ITGAE: variants seen among roughly 807,000 people sequenced by gnomAD.
ITGAE encodes integrin alpha-E.
Under a neutral mutation model 136.5 loss-of-function variants are expected in ITGAE, and 99 were observed. That is an observed-to-expected ratio of 0.73 (90% CI 0.62 to 0.86). The LOEUF (loss-of-function observed/expected upper bound fraction) is 0.86. Among genes scored for constraint, ITGAE ranks in the 40% least tolerant of loss-of-function variants. The probability of loss-of-function intolerance (pLI) is 0.00; values close to 1 mark genes in which losing one functional copy is unlikely to be tolerated. For synonymous variants in ITGAE, 613 were observed against 591.8 expected, an observed-to-expected ratio of 1.04 and a Z score of -0.52; for missense variants, 1,447 against 1,515.3, an observed-to-expected ratio of 0.95 and a Z score of 0.75.
intron 28 of ITGAE, chr17:3,722,496 A>AAG (rs2051076578): frequency 6.6e-6 from 1 of 152,596 alleles, no homozygotes; most frequent in Non-Finnish European, 1.5e-5. Flanking sequence ...AAAAAAAAAA[A>AAG]AAAGAAAAGA....
intron 2 of ITGAE, among the ~76,000 whole-genome samples, chr17:3,767,151 C>G (rs2052319460): frequency 1.3e-5 from 2 of 151,388 alleles, no homozygotes; most frequent in Non-Finnish European, 2.9e-5. Context: ...GGCTGGAGTG[C>G]AATGGCACGA....
At chr17:3,782,338 C>T (rs1210729203) in intron 1 of ITGAE, among the ~76,000 whole-genome samples, 1 of 127,412 alleles carries the variant, frequency 7.8e-6, no homozygotes. Flanking sequence ...GCTTAAATCT[C>T]TAGTGTGTGT....
rs1186492369 is a variant in ITGAE, at chr17:3,799,838, T to C, written c.34+1273A>G. Reference sequence around the variant, plus strand: ...ATTCTGATGTTTTTGAAATATAAAATATTAGGCCGGGCAAGGTGGCTCATG... The same window carrying C: ...ATTCTGATGTTTTTGAAATATAAAACATTAGGCCGGGCAAGGTGGCTCATG... On this transcript the variant is annotated intron_variant, in intron 1 of 30. Transcript: ENST00000263087. The surrounding 1 kb of genome is among the most constrained non-coding windows in gnomAD (Gnocchi z 4.1). Among the ~76,000 whole-genome samples, 1 of 152,170 alleles carries C rather than the reference T, an allele frequency of 6.6e-6. No individual in the cohort carries two copies. The highest frequency in any genetic ancestry group is 1.9e-4 in the East Asian group (1 of 5,190).
chr17:3,728,177 G>C lies in ITGAE; in HGVS notation c.2913-9C>G, dbSNP rs2051258613. On this transcript the variant is annotated splice_polypyrimidine_tract_variant and intron_variant, in intron 24 of 30. Coordinates refer to ENST00000263087, the MANE Select transcript of ITGAE (RefSeq NM_002208.5). ...CGTACATTATGGATGGTCTGCAATT[G>C]ACAGGACATGCGTCAGCCCTTGAGG... The C allele has an allele frequency of 6.2e-7, 1 of 1,608,742 alleles. No individual in the cohort carries two copies. The highest frequency in any genetic ancestry group is 1.3e-5 in the African/African-American group (1 of 74,702).
At chr17:3,730,781 C>T (rs1252582286) in intron 23 of ITGAE, among the ~76,000 whole-genome samples, 2 of 152,170 alleles carry the variant, frequency 1.3e-5, no homozygotes, top group African/African-American at 2.4e-5. Context: ...CACCTTACCC[C>T]CCAACACAGA....
intron 26 of ITGAE, chr17:3,724,724 G>A (rs775400270): frequency 3.1e-6 from 5 of 1,614,136 alleles, no homozygotes; most frequent in African/African-American, 2.7e-5. Flanking sequence ...GGGCAGATGG[G>A]AAGAATATGA....
intron 1 of ITGAE, among the ~76,000 whole-genome samples, chr17:3,797,400 C>CT (rs2053145031): frequency 1.3e-5 from 2 of 150,720 alleles, no homozygotes; most frequent in African/African-American, 4.9e-5. Flanking sequence ...CTCCTGACCT[C>CT]ATGATCTGCC....
intron 28 of ITGAE, among the ~76,000 whole-genome samples, chr17:3,720,951 C>T (rs912763935): frequency 2.6e-5 from 4 of 152,110 alleles, no homozygotes; most frequent in Non-Finnish European, 5.9e-5. Flanking sequence ...ATTTTTGAGA[C>T]AGGATCTCGC....
At chr17:3,736,734 G>A (rs1321186087) in intron 20 of ITGAE, among the ~76,000 whole-genome samples, 2 of 152,166 alleles carry the variant, frequency 1.3e-5, no homozygotes, top group Non-Finnish European at 2.9e-5. Context: ...TAGCAATACC[G>A]AGAAAACTGT....
At chr17:3,742,456 G>T (rs1459822137) in intron 19 of ITGAE, among the ~76,000 whole-genome samples, 25 of 134,164 alleles carry the variant, frequency 1.9e-4, no homozygotes, top group African/African-American at 5.0e-4. Context: ...AAGGTTTGTG[G>T]TTTTTTTTTT....
intron 20 of ITGAE, among the ~76,000 whole-genome samples, 185 bp from the exon 21 acceptor site, chr17:3,735,134 C>T (rs1464882948): frequency 1.3e-5 from 2 of 152,198 alleles, no homozygotes; most frequent in Non-Finnish European, 1.5e-5. Context: ...GCTGGGACTA[C>T]AGGTGTTTAC....
intron 21 of ITGAE, among the ~76,000 whole-genome samples, chr17:3,734,316 G>A (rs953353183): frequency 2.0e-5 from 3 of 152,234 alleles, no homozygotes; most frequent in South Asian, 2.1e-4. Flanking sequence ...CTCGTGATCC[G>A]CCCGTCTCGG....
Position 3,732,470 on chromosome 17 carries a change from T to G in ITGAE, c.2656-4A>C, listed in dbSNP as rs1202547642. ...ACTGAATGTTTGGAGAGGGAGGCTGTTAAAAGAGCAGATGACATTCTCTTA... is the reference window on the plus strand; with the variant it reads ...ACTGAATGTTTGGAGAGGGAGGCTGGTAAAAGAGCAGATGACATTCTCTTA... On this transcript the variant is annotated splice_region_variant and splice_polypyrimidine_tract_variant and intron_variant, in intron 21 of 30. Transcript: ENST00000263087. 4 of 1,611,722 alleles carry G rather than the reference T, an allele frequency of 2.5e-6. No individual in the cohort carries two copies. The highest frequency in any genetic ancestry group is 2.5e-6 in the Non-Finnish European group (3 of 1,177,966).
intron 21 of ITGAE, among the ~76,000 whole-genome samples, chr17:3,734,265 G>T (rs1423412868): frequency 6.6e-6 from 1 of 152,098 alleles, no homozygotes; most frequent in Non-Finnish European, 1.5e-5. Context: ...AGTAGAGACG[G>T]GGTTTCACCG....
chr17:3,739,316 C>T (rs753527999), intron 20 of ITGAE, among the ~76,000 whole-genome samples: 3 of 152,220 alleles, frequency 2.0e-5, no homozygotes, highest in African/African-American at 7.2e-5. Flanking sequence ...TCTTCTCCCC[C>T]TAAGAGCACC....
chr17:3,765,839 G>A (rs533910208), intron 2 of ITGAE, among the ~76,000 whole-genome samples: 4 of 152,174 alleles, frequency 2.6e-5, no homozygotes, highest in East Asian at 1.9e-4. Context: ...CTTCCTTGCC[G>A]GCACACTCTC....
At chr17:3,718,913 A>T (rs2050992017) in intron 29 of ITGAE, among the ~76,000 whole-genome samples, 1 of 151,988 alleles carries the variant, frequency 6.6e-6, no homozygotes, top group Non-Finnish European at 1.5e-5. Context: ...TGTATTTTCC[A>T]TTTCCCTCTA....
intron 1 of ITGAE, among the ~76,000 whole-genome samples, chr17:3,784,943 G>A (rs1214368013): frequency 1.3e-5 from 2 of 152,048 alleles, no homozygotes; most frequent in East Asian, 3.9e-4. Flanking sequence ...ACCAGCCTGG[G>A]CAACATGGCT....
At chr17:3,730,979 G>T in intron 23 of ITGAE, 125 bp downstream of exon 23, 1 of 661,814 alleles carries the variant, frequency 1.5e-6, no homozygotes, top group Non-Finnish European at 2.7e-6. Context: ...TGCCTTCTGT[G>T]GGCTCACTGG....
Sources: allele counts gnomAD v4.1 joint callset (sites outside exome capture counted in the v4.1 genomes callset), GRCh38; gene constraint gnomAD v4.1.1; non-coding constraint Gnocchi (gnomAD v3.1); transcripts MANE v1.5; gene names NCBI Gene and HGNC (gene_info 2026-07-23, HGNC 2026-07-21).